SPECC1L: variants seen among roughly 807,000 people sequenced by gnomAD.
SPECC1L encodes the protein sperm antigen with calponin homology and coiled-coil domains 1 like.
Under a neutral mutation model 116.8 loss-of-function variants are expected in SPECC1L, and 40 were observed. The observed-to-expected ratio is 0.34, with a 90% CI of 0.27 to 0.45. The LOEUF is 0.45. Ranked by LOEUF, SPECC1L falls within the 20% of genes least tolerant of loss-of-function variation. The pLI, the probability that SPECC1L is intolerant of heterozygous loss-of-function variation, is 1.00. For synonymous variants in SPECC1L, 504 were observed against 500.6 expected, an observed-to-expected ratio of 1.01 and a Z score of -0.09; for missense variants, 1,110 against 1,373.6, an observed-to-expected ratio of 0.81 and a Z score of 3.03.
chr22:24,271,083 G>C (rs918838682), intron 1 of SPECC1L, 100 bp downstream of exon 1: 9 of 152,536 alleles, frequency 5.9e-5, no homozygotes, highest in African/African-American at 1.7e-4. Flanking sequence ...CGCAGACCCC[G>C]GCAGGCCCAG....
At chr22:24,385,942 A>T (rs185862490) in intron 14 of SPECC1L, among the ~76,000 whole-genome samples, 1 of 152,324 alleles carries the variant, frequency 6.6e-6, no homozygotes, top group Admixed American at 6.5e-5. Flanking sequence ...TGGATTGCAC[A>T]TTCCTTCTAA....
intron 2 of SPECC1L, among the ~76,000 whole-genome samples, chr22:24,288,747 T>A (rs150254283): frequency 0.034 from 5,105 of 150,526 alleles, 177 homozygotes; most frequent in African/African-American, 0.083. Context: ...TGCCTCAGCT[T>A]CCTCAGTAGC....
At position 24,360,470 on chromosome 22, in the gene SPECC1L, T is replaced by G. The variant is rs1182419176; in HGVS notation, c.2744-2791T>G. Among the ~76,000 whole-genome samples, 3 of 152,200 alleles carry G rather than the reference T, an allele frequency of 2.0e-5. No individual in the cohort carries two copies. The East Asian group carries it at 5.8e-4, about 29-fold the overall frequency. Reference sequence around the variant, plus strand: ...CTGTGACAGGGACAGTCTGTCAGATTGAGGCAGACTTGGATCCTTAACCAT... The same window carrying G: ...CTGTGACAGGGACAGTCTGTCAGATGGAGGCAGACTTGGATCCTTAACCAT... On this transcript the variant is annotated intron_variant, in intron 11 of 16. Coordinates refer to ENST00000314328, the MANE Select transcript of SPECC1L (RefSeq NM_015330.6).
At chr22:24,410,736 C>T in intron 14 of SPECC1L, among the ~76,000 whole-genome samples, 1 of 152,152 alleles carries the variant, frequency 6.6e-6, no homozygotes, top group East Asian at 1.9e-4. Flanking sequence ...TCCTTGGCTT[C>T]TCACCATCCA....
At chr22:24,336,900 T>C (rs2041071703) in intron 9 of SPECC1L, among the ~76,000 whole-genome samples, 1 of 152,304 alleles carries the variant, frequency 6.6e-6, no homozygotes, top group Middle Eastern at 3.4e-3. Flanking sequence ...AGTACAGCAT[T>C]CAGTAATTTA....
At chr22:24,348,243 T>G (rs1367942436) in intron 11 of SPECC1L, among the ~76,000 whole-genome samples, 1 of 152,218 alleles carries the variant, frequency 6.6e-6, no homozygotes, top group Non-Finnish European at 1.5e-5. Context: ...TCAGGAATTC[T>G]TGGTTGTGCA....
intron 8 of SPECC1L, among the ~76,000 whole-genome samples, chr22:24,333,333 G>A (rs942751578): frequency 1.3e-5 from 2 of 152,120 alleles, no homozygotes; most frequent in South Asian, 2.1e-4. Context: ...CACCAAAGAC[G>A]GATTTTTCCT....
chr22:24,395,877 G>A (rs1290597480), intron 14 of SPECC1L, among the ~76,000 whole-genome samples: 4 of 152,162 alleles, frequency 2.6e-5, no homozygotes, highest in Non-Finnish European at 4.4e-5. Flanking sequence ...TTGGCCTCAA[G>A]CAGTCTATAG....
chr22:24,392,866 C>T (rs1227382778), intron 14 of SPECC1L, among the ~76,000 whole-genome samples: 1 of 152,212 alleles, frequency 6.6e-6, no homozygotes, highest in African/African-American at 2.4e-5. Flanking sequence ...CTGATGGCTC[C>T]CTCCCTTACA....
Position 24,322,620 on chromosome 22 carries a change from T to G in SPECC1L, c.1640T>G (p.Ile547Ser), listed in dbSNP as rs2040743686. ...LKERSHHMER[I>S]IESEQKGKAA... The stretch of plus-strand genomic sequence containing the variant: ...GAACGCAGTCACCATATGGAGCGAA[T>G]TATTGAGTCTGAGCAGAAAGGAAAA... Residue 547 changes from isoleucine (I) to serine (S), a missense_variant, in exon 5 of 17, where the codon ATT (isoleucine) becomes AGT (serine). Around this residue, in one of 4 missense-constraint regions of SPECC1L, gnomAD observed 575 missense variants for 682.4 expected, o/e 0.84. Transcript: ENST00000314328. 2 of 1,614,002 alleles carry G rather than the reference T, an allele frequency of 1.2e-6. No individual in the cohort carries two copies. The highest frequency in any genetic ancestry group is 2.2e-5 in the East Asian group (1 of 44,894).
At chr22:24,404,621 T>A (rs987114880) in intron 14 of SPECC1L, among the ~76,000 whole-genome samples, 2 of 152,138 alleles carry the variant, frequency 1.3e-5, no homozygotes, top group Non-Finnish European at 2.9e-5. Context: ...CCAGCCCAAC[T>A]TGATACGGAC....
intron 1 of SPECC1L, among the ~76,000 whole-genome samples, chr22:24,275,714 T>C (rs2048824414): frequency 6.6e-6 from 1 of 152,178 alleles, no homozygotes; most frequent in Admixed American, 6.5e-5. Context: ...TTCAACTTTT[T>C]TTATTTTTAG....
intron 14 of SPECC1L, among the ~76,000 whole-genome samples, chr22:24,403,917 C>G (rs963828495): frequency 3.3e-5 from 5 of 152,174 alleles, no homozygotes; most frequent in African/African-American, 4.8e-5. Flanking sequence ...GAGTTCAAGC[C>G]CAGCTTGGGC....
At position 24,279,570 on chromosome 22, in the gene SPECC1L, A is replaced by AATTATTATTATTATT. The variant is rs56978503; in HGVS notation, c.-38+2771_-38+2785dup. Among the ~76,000 whole-genome samples the AATTATTATTATTATT allele has an allele frequency of 6.6e-5, 10 of 150,550 alleles. No individual in the cohort carries two copies. The South Asian group carries it at 1.9e-3, about 28-fold the overall frequency. ...TTAGAAATGTACATTTTATTTTTTT[A>AATTATTATTATTATT]ATTATTATTATTATTATTTATTATT... On this transcript the variant is annotated intron_variant, in intron 2 of 16. Coordinates refer to ENST00000314328, the MANE Select transcript of SPECC1L (RefSeq NM_015330.6).
intron 2 of SPECC1L, among the ~76,000 whole-genome samples, chr22:24,289,224 G>A (rs553112292): frequency 6.6e-6 from 1 of 152,276 alleles, no homozygotes; most frequent in African/African-American, 2.4e-5. Flanking sequence ...CAGAGGAGAC[G>A]CAAAATTTTT....
At chr22:24,290,777 G>T (rs1298704590) in intron 2 of SPECC1L, among the ~76,000 whole-genome samples, 1 of 152,184 alleles carries the variant, frequency 6.6e-6, no homozygotes, top group Admixed American at 6.5e-5. Context: ...TACATAAAAT[G>T]CACCTTTCTG....
chr22:24,342,750 G>A (rs1466499100), intron 10 of SPECC1L, among the ~76,000 whole-genome samples: 1 of 151,656 alleles, frequency 6.6e-6, no homozygotes, highest in Admixed American at 6.6e-5. Flanking sequence ...TCCATAATGA[G>A]TAACAGAGAG....
chr22:24,343,616 G>A (rs1311639767), intron 10 of SPECC1L: 6 of 287,380 alleles, frequency 2.1e-5, no homozygotes, highest in Non-Finnish European at 3.5e-5. Context: ...GCGTACCATG[G>A]TGCCTGGCTA....
At position 24,292,034 on chromosome 22, in the gene SPECC1L, A is replaced by G. The variant is rs562160380; in HGVS notation, c.-37-10161A>G. ...CTGAAAGAAGAAAGTAGTGACAGCA[A>G]TCAAGATCCTGGTGTAACTACAGAA... On this transcript the variant is annotated intron_variant, in intron 2 of 16. Transcript: ENST00000314328. Among the ~76,000 whole-genome samples, 65 of 152,320 alleles carry G rather than the reference A, an allele frequency of 4.3e-4. 1 individual carries two copies. Among genetic ancestry groups the G allele is most frequent in the Admixed American group, 1.8e-3 (27 of 15,298 alleles).
Sources: allele counts gnomAD v4.1 joint callset (sites outside exome capture counted in the v4.1 genomes callset), GRCh38; gene constraint gnomAD v4.1.1; regional missense constraint gnomAD v4.1.1; transcripts MANE v1.5; gene names NCBI Gene and HGNC (gene_info 2026-07-23, HGNC 2026-07-21).